Variants in METTL24 observed in about 807,000 individuals in gnomAD.
The protein encoded by METTL24 is methyltransferase like 24, also known as probable methyltransferase-like protein 24.
METTL24 carries 29 observed loss-of-function variants against 32.7 expected under a neutral mutation model. The ratio of observed to expected loss-of-function variants is 0.89; its 90% CI spans 0.66 to 1.21. The LOEUF is 1.21. Ranked by LOEUF, METTL24 falls within the 50% of genes most tolerant of loss-of-function variation. The probability of loss-of-function intolerance (pLI) is 0.00; values close to 1 mark genes in which losing one functional copy is unlikely to be tolerated. For missense variants in METTL24, 439 were observed against 468.1 expected (o/e 0.94, Z 0.57); for synonymous variants, 163 against 179.5 (o/e 0.91, Z 0.73).
At chr6:110,302,053 A>G (rs961204500) in intron 3 of METTL24, among the ~76,000 whole-genome samples, 1 of 152,266 alleles carries the variant, frequency 6.6e-6, no homozygotes, top group South Asian at 2.1e-4. Context: ...AGGTGGGCAG[A>G]TCACGAGGTC....
intron 1 of METTL24, among the ~76,000 whole-genome samples, chr6:110,341,846 A>G (rs1385173181): frequency 6.6e-6 from 1 of 152,246 alleles, no homozygotes; most frequent in African/African-American, 2.4e-5. Flanking sequence ...ATCACTTGGG[A>G]TAACAACAGA....
intron 1 of METTL24, among the ~76,000 whole-genome samples, chr6:110,343,535 AG>A (rs1772405836): frequency 6.6e-6 from 1 of 152,164 alleles, no homozygotes; most frequent in South Asian, 2.1e-4. Context: ...TGCCTAGGAC[AG>A]GCCCGGAAGG....
chr6:110,253,029 C>G lies in METTL24; in HGVS notation c.787-6769G>C, dbSNP rs188606096. Among the ~76,000 whole-genome samples the G allele has an allele frequency of 3.3e-5, 5 of 152,286 alleles. No homozygotes were observed. The East Asian group carries it at 9.6e-4, about 29-fold the overall frequency. On this transcript the variant is annotated intron_variant, in intron 4 of 4. Coordinates refer to ENST00000338882, the MANE Select transcript of METTL24 (RefSeq NM_001123364.3). ...TGAATGACTGATTGACTAACACAGT[C>G]TGGTAGAAGTGATTCTAAGTGGCGT...
At chr6:110,255,508 C>T (rs1032897336) in intron 4 of METTL24, among the ~76,000 whole-genome samples, 2 of 152,018 alleles carry the variant, frequency 1.3e-5, no homozygotes, top group Non-Finnish European at 2.9e-5. Context: ...AGGACTGAGG[C>T]GGTAGCAAGG....
chr6:110,322,109 C>T (rs998297433), intron 2 of METTL24, among the ~76,000 whole-genome samples: 2 of 152,146 alleles, frequency 1.3e-5, no homozygotes, highest in Non-Finnish European at 2.9e-5. Context: ...AGAATGGAAC[C>T]TTCTGATTAA....
In METTL24 at chr6:110,358,252, G is replaced by A. The variant is rs1216150337; in HGVS notation, c.21C>T (p.Pro7=). 6.7e-7 allele frequency: 1 copy of A among 1,481,562 alleles called. No individual in the cohort carries two copies. Among genetic ancestry groups the A allele is most frequent in the Non-Finnish European group, 8.9e-7 (1 of 1,122,776 alleles). The allele number at this position is 1,481,562 out of a possible 1,614,324, so 91.8% of individuals were successfully genotyped here. A position where few individuals can be genotyped will look rare whatever the true frequency, so the allele number is the denominator to read the frequency against. Residue 7 remains proline, a synonymous_variant, in exon 1 of 5, where the codon CCC becomes CCT. Transcript: ENST00000338882. MARERP[P]GRGCGVLRRC... is the part of the protein sequence containing the mutation. Reference sequence around the variant, plus strand: ...GGCGCAGGACGCCGCAGCCCCTCCCGGGCGGCCTCTCCCGGGCCATGGCGC... The same window carrying A: ...GGCGCAGGACGCCGCAGCCCCTCCCAGGCGGCCTCTCCCGGGCCATGGCGC...
chr6:110,312,996 A>G (rs1355416655), intron 3 of METTL24, among the ~76,000 whole-genome samples: 1 of 152,212 alleles, frequency 6.6e-6, no homozygotes, highest in Non-Finnish European at 1.5e-5. Flanking sequence ...TGCACACCCT[A>G]TGTAAATGAA....
At chr6:110,270,410 G>A (rs1009388717) in intron 4 of METTL24, among the ~76,000 whole-genome samples, 3 of 152,092 alleles carry the variant, frequency 2.0e-5, no homozygotes, top group African/African-American at 7.2e-5. Context: ...GAAACAAAGG[G>A]TAGAATGCAG....
At chr6:110,288,726 AGGGCGGT>A (rs1168320978) in intron 4 of METTL24, among the ~76,000 whole-genome samples, 1 of 152,130 alleles carries the variant, frequency 6.6e-6, no homozygotes, top group African/African-American at 2.4e-5. Context: ...GAATGAACAC[AGGGCGGT>A]GAGCAGGATG....
Position 110,300,422 on chromosome 6 carries a change from C to CTTT in METTL24, c.558-1275_558-1273dup, listed in dbSNP as rs56017770. On this transcript the variant is annotated intron_variant, in intron 3 of 4. Transcript: ENST00000338882. The stretch of plus-strand genomic sequence containing the variant: ...TTCAGAGATCATCCACCGAGACATG[C>CTTT]TTTTTTTTTTTTTTTTTAGATGGAG... Among the ~76,000 whole-genome samples the CTTT allele has an allele frequency of 4.1e-4, 55 of 133,222 alleles. 1 individual carries two copies. Among genetic ancestry groups the CTTT allele is most frequent in the African/African-American group, 1.5e-3 (53 of 34,536 alleles). The allele number at this position is 133,222 out of a possible 152,430, so 87.4% of individuals were successfully genotyped here.
chr6:110,317,567 T>TAA (rs983593320), intron 2 of METTL24, among the ~76,000 whole-genome samples: 1 of 152,070 alleles, frequency 6.6e-6, no homozygotes, highest in Non-Finnish European at 1.5e-5. Flanking sequence ...CTGGACCTTA[T>TAA]AAGCCAGAGC....
At chr6:110,316,417 T>C (rs1419103356) in intron 2 of METTL24, among the ~76,000 whole-genome samples, 2 of 152,216 alleles carry the variant, frequency 1.3e-5, no homozygotes, top group African/African-American at 4.8e-5. Context: ...GATATTTACC[T>C]TACTGAGCAA....
chr6:110,345,347 C>G (rs1226180787), intron 1 of METTL24, among the ~76,000 whole-genome samples: 2 of 152,130 alleles, frequency 1.3e-5, no homozygotes, highest in African/African-American at 4.8e-5. Context: ...ATGAGTTCAA[C>G]CATTGTGAAA....
intron 2 of METTL24, among the ~76,000 whole-genome samples, chr6:110,322,257 T>G (rs181523833): frequency 2.0e-5 from 3 of 152,316 alleles, no homozygotes; most frequent in Admixed American, 1.3e-4. Context: ...TGATTTCAAG[T>G]GCTCTGAGAT....
intron 1 of METTL24, among the ~76,000 whole-genome samples, chr6:110,349,127 C>T (rs1772542455): frequency 6.6e-6 from 1 of 152,160 alleles, no homozygotes; most frequent in African/African-American, 2.4e-5. Flanking sequence ...CATTTAGACA[C>T]GGATGATTGA....
intron 4 of METTL24, among the ~76,000 whole-genome samples, chr6:110,284,950 C>T (rs575383689): frequency 1.3e-5 from 2 of 152,190 alleles, no homozygotes; most frequent in Non-Finnish European, 2.9e-5. Flanking sequence ...GAGTTGGTGG[C>T]CCACAGGTTA....
intron 1 of METTL24, among the ~76,000 whole-genome samples, chr6:110,348,666 T>G (rs1772530150): frequency 6.6e-6 from 1 of 152,244 alleles, no homozygotes; most frequent in Admixed American, 6.5e-5. Flanking sequence ...TGAAAACATG[T>G]TTGGAGGTCG....
chr6:110,300,369 A>T lies in METTL24; in HGVS notation c.558-1219T>A, dbSNP rs961124397. ...TCAGTGGATAATAATTATTTACCTT[A>T]TTTTAATTAACTAAAATAAGCCTTC... is the stretch of plus-strand genomic sequence containing the variant. On this transcript the variant is annotated intron_variant, in intron 3 of 4. Transcript: ENST00000338882. Among the ~76,000 whole-genome samples the T allele has an allele frequency of 1.0e-4, 15 of 150,646 alleles. 1 individual carries two copies. The highest frequency in any genetic ancestry group is 2.9e-4 in the African/African-American group (12 of 40,688).
chr6:110,352,844 T>G (rs1018637307), intron 1 of METTL24, among the ~76,000 whole-genome samples: 3 of 152,204 alleles, frequency 2.0e-5, no homozygotes, highest in African/African-American at 4.8e-5. Context: ...ATGCCTACCC[T>G]TGACAGTCTT....
Sources: gnomAD v4.1 joint callset for allele counts (sites outside exome capture counted in the v4.1 genomes callset) on GRCh38, gnomAD v4.1.1 for gene constraint, MANE v1.5 for transcripts, NCBI Gene and HGNC (gene_info 2026-07-23, HGNC 2026-07-21) for gene names.